The following CASK variants were observed in gnomAD, a reference collection of about 807,000 sequenced individuals.
CASK encodes the protein calcium/calmodulin dependent serine protein kinase, also known as peripheral plasma membrane protein CASK.
A neutral mutation model predicts 82.9 loss-of-function variants in CASK; 4 were observed. That is an observed-to-expected ratio of 0.05 (90% CI 0.02 to 0.11). The LOEUF is 0.11. Among genes scored for constraint, CASK ranks in the 10% least tolerant of loss-of-function variants. The probability of loss-of-function intolerance (pLI) is 1.00; values close to 1 mark genes in which losing one functional copy is unlikely to be tolerated. For synonymous variants in CASK, 259 were observed against 253.5 expected, an observed-to-expected ratio of 1.02 and a Z score of -0.20; for missense variants, 358 against 720.9, an observed-to-expected ratio of 0.50 and a Z score of 5.76.
chrX:41,703,879 A>G (rs1442158507), intron 5 of CASK, among the ~76,000 whole-genome samples: 1 of 111,797 alleles, frequency 8.9e-6, no homozygotes, highest in African/African-American at 3.2e-5. Context: ...CAGATTTACT[A>G]ATTTTTGCCA....
chrX:41,630,543 G>A (rs757868346), intron 9 of CASK, among the ~76,000 whole-genome samples: 1 of 111,630 alleles, frequency 9.0e-6, no homozygotes, highest in African/African-American at 3.3e-5. Flanking sequence ...TAAATAACAA[G>A]GCAATACACA....
intron 12 of CASK, 150 bp from the exon 13 acceptor site, chrX:41,589,742 T>C (rs1385943854): frequency 2.1e-6 from 1 of 468,805 alleles, no homozygotes; most frequent in Admixed American, 3.2e-5. Context: ...AACCTCTGAA[T>C]TGTTCTGTGA....
At chrX:41,898,410 C>T (rs1010055582) in intron 1 of CASK, among the ~76,000 whole-genome samples, 2 of 111,447 alleles carry the variant, frequency 1.8e-5, no homozygotes, top group African/African-American at 6.5e-5. Flanking sequence ...TTGATAACTT[C>T]TATTGTTTTT....
chrX:41,522,241 G>C (rs755891502), intron 26 of CASK: 1 of 111,877 alleles, frequency 8.9e-6, no homozygotes, highest in Non-Finnish European at 1.9e-5. Flanking sequence ...GTGAGATAAA[G>C]AGACTTGCTT....
chrX:41,647,933 T>C (rs2066789571), intron 8 of CASK, among the ~76,000 whole-genome samples: 1 of 111,662 alleles, frequency 9.0e-6, no homozygotes, highest in Non-Finnish European at 1.9e-5. Context: ...GTACAGCATG[T>C]GTGTTTGAGC....
At chrX:41,810,761 C>T (rs146458399) in intron 2 of CASK, among the ~76,000 whole-genome samples, 5,807 of 111,476 alleles carry the variant, frequency 0.052, 389 homozygotes, top group African/African-American at 0.18. Flanking sequence ...ATGGGCTAAA[C>T]GCTCCAATTA....
At position 41,748,613 on chromosome X, in the gene CASK, G is replaced by A. The variant is rs761247319; in HGVS notation, c.279-3012C>T. On this transcript the variant is annotated intron_variant, in intron 3 of 26. Coordinates refer to ENST00000378163, the MANE Select transcript of CASK (RefSeq NM_001367721.1). ...ATCCTGGAATTCTTTTTCTAGGGAT[G>A]TAATATATACTTACAAATAAAATGC... 6 of 194,017 alleles carry A rather than the reference G, an allele frequency of 3.1e-5. No homozygotes were observed. The South Asian group carries it at 5.6e-4, about 18-fold the overall frequency. 16.0% of individuals were successfully genotyped at this position (194,017 alleles called of 1,213,427 possible). A position where few individuals can be genotyped will look rare whatever the true frequency, so the allele number is the denominator to read the frequency against.
At chrX:41,637,635 C>A (rs1437218572) in intron 8 of CASK, among the ~76,000 whole-genome samples, 1 of 105,311 alleles carries the variant, frequency 9.5e-6, no homozygotes, top group Admixed American at 1.0e-4. Flanking sequence ...ATAAATGAAT[C>A]CCCCATTATT....
intron 12 of CASK, among the ~76,000 whole-genome samples, chrX:41,594,077 A>T (rs1306650800): frequency 8.9e-6 from 1 of 111,950 alleles, no homozygotes; most frequent in East Asian, 2.8e-4. Context: ...GTTACTTGGG[A>T]CCTTACCAGT....
chrX:41,903,687 T>C (rs2072422558), intron 1 of CASK, among the ~76,000 whole-genome samples: 1 of 110,896 alleles, frequency 9.0e-6, no homozygotes, highest in Non-Finnish European at 1.9e-5. Flanking sequence ...TTTAGACTGG[T>C]TTTTCTTCCT....
chrX:41,746,529 C>T (rs1219753247), intron 3 of CASK, among the ~76,000 whole-genome samples: 1 of 110,542 alleles, frequency 9.0e-6, no homozygotes, highest in African/African-American at 3.3e-5. Context: ...CCACATACAC[C>T]TATATATGTA....
chrX:41,795,938 A>G (rs1043933967), intron 2 of CASK, among the ~76,000 whole-genome samples: 1 of 111,463 alleles, frequency 9.0e-6, no homozygotes, highest in African/African-American at 3.3e-5. Context: ...TTTATTTCAT[A>G]TAAGTGACTT....
At chrX:41,862,844 C>T (rs184884884) in intron 1 of CASK, among the ~76,000 whole-genome samples, 59 of 111,769 alleles carry the variant, frequency 5.3e-4, no homozygotes, top group Admixed American at 1.6e-3. Context: ...AGAAAACTTA[C>T]AAATTTCTGG....
intron 14 of CASK, among the ~76,000 whole-genome samples, chrX:41,579,567 T>C (rs1160727253): frequency 2.7e-5 from 3 of 112,056 alleles, no homozygotes; most frequent in Admixed American, 1.9e-4. Flanking sequence ...CATAAATATT[T>C]GAACATTTCT....
chrX:41,871,145 GC>G (rs1222201803), intron 1 of CASK, among the ~76,000 whole-genome samples: 1 of 111,771 alleles, frequency 8.9e-6, no homozygotes, highest in Non-Finnish European at 1.9e-5. Flanking sequence ...CTCAGTTTGT[GC>G]CACAACCCTT....
chrX:41,526,619 T>C (rs2064717045), intron 25 of CASK, among the ~76,000 whole-genome samples: 1 of 112,091 alleles, frequency 8.9e-6, no homozygotes, highest in Non-Finnish European at 1.9e-5. Flanking sequence ...ATGGTGGCCA[T>C]GTTCCTCACA....
At chrX:41,696,328 T>C in intron 5 of CASK, 3 of 1,174,110 alleles carry the variant, frequency 2.6e-6, no homozygotes, top group Non-Finnish European at 3.4e-6. Flanking sequence ...CTAATTTTCT[T>C]ACTAATAATC....
intron 5 of CASK, among the ~76,000 whole-genome samples, chrX:41,720,279 C>T (rs1454257782): frequency 2.7e-5 from 3 of 112,628 alleles, no homozygotes; most frequent in Non-Finnish European, 5.6e-5. Context: ...TTGTGGCAGG[C>T]GGTGAGGGCC....
rs5918227 is a variant in CASK, at chrX:41,690,356, T to A, written c.430-18826A>T. Among the ~76,000 whole-genome samples, 128 of 41,295 alleles carry A rather than the reference T, an allele frequency of 3.1e-3. 1 individual carries two copies. Among genetic ancestry groups the A allele is most frequent in the Middle Eastern group, 0.02 (2 of 98 alleles). 35.9% of individuals were successfully genotyped at this position (41,295 alleles called of 115,157 possible). ...TTGTGATTTTTAATTAAAAAAAAAA[T>A]TTTTTTTTGAGACAGACTCTCGCTC... On this transcript the variant is annotated intron_variant, in intron 5 of 26. Transcript: ENST00000378163.
Sources: gnomAD v4.1 joint callset for allele counts (sites outside exome capture counted in the v4.1 genomes callset) on GRCh38, gnomAD v4.1.1 for gene constraint, MANE v1.5 for transcripts, NCBI Gene and HGNC (gene_info 2026-07-23, HGNC 2026-07-21) for gene names.